Variants in XRCC4 observed in about 807,000 individuals in gnomAD.
XRCC4 encodes DNA repair protein XRCC4.
XRCC4 carries 28 observed loss-of-function variants against 39.1 expected under a neutral mutation model. That is an observed-to-expected ratio of 0.72 (90% CI 0.53 to 0.98). The LOEUF (loss-of-function observed/expected upper bound fraction) is 0.98. XRCC4 is among the 50% of genes least tolerant of loss of function. The pLI is 0.00. For synonymous variants in XRCC4, 123 were observed against 126.4 expected (o/e 0.97, Z 0.18); for missense variants, 350 against 376.4 (o/e 0.93, Z 0.58).
At chr5:83,313,158 A>AT (rs1755764986) in intron 7 of XRCC4, among the ~76,000 whole-genome samples, 1 of 151,726 alleles carries the variant, frequency 6.6e-6, no homozygotes, top group African/African-American at 2.4e-5. Context: ...AAAACCATAA[A>AT]TTGAAAAGTA....
At chr5:83,372,282 A>G in the XRCC4 span, among the ~76,000 whole-genome samples, 1 of 152,250 alleles carries the variant, frequency 6.6e-6, no homozygotes, top group South Asian at 2.1e-4. Flanking sequence ...TTTATTTTTT[A>G]GCATGACAAA....
chr5:83,175,223 T>C (rs1188836987), intron 3 of XRCC4, among the ~76,000 whole-genome samples: 1 of 152,192 alleles, frequency 6.6e-6, no homozygotes, highest in African/African-American at 2.4e-5. Flanking sequence ...ACTTAGTAAA[T>C]GTTATTTAGT....
intron 3 of XRCC4, among the ~76,000 whole-genome samples, chr5:83,188,563 A>G (rs181891186): frequency 1.3e-5 from 2 of 152,252 alleles, no homozygotes; most frequent in East Asian, 3.9e-4. Context: ...TGCATGCCAT[A>G]CAAGAAGCAT....
intron 3 of XRCC4, among the ~76,000 whole-genome samples, chr5:83,169,053 G>A (rs1471247506): frequency 1.3e-5 from 2 of 152,060 alleles, no homozygotes; most frequent in Non-Finnish European, 2.9e-5. Context: ...GCTGTGGGTG[G>A]GGTTAAGTGG....
At chr5:83,175,619 G>GT (rs535109676) in intron 3 of XRCC4, among the ~76,000 whole-genome samples, 14 of 149,058 alleles carry the variant, frequency 9.4e-5, no homozygotes, top group East Asian at 4.1e-4. Context: ...TTTTGTTTTT[G>GT]TTTTTTTTTG....
intron 3 of XRCC4, among the ~76,000 whole-genome samples, chr5:83,186,128 A>G (rs1190616803): frequency 6.6e-6 from 1 of 152,210 alleles, no homozygotes; most frequent in African/African-American, 2.4e-5. Context: ...TGAAGATTAT[A>G]AAATATTGTT....
intron 1 of XRCC4, among the ~76,000 whole-genome samples, chr5:83,103,018 ATATATATATATATG>A (rs1456158460): frequency 6.9e-6 from 1 of 144,174 alleles, no homozygotes; most frequent in Non-Finnish European, 1.5e-5. Context: ...TGATATATAT[ATATATATATATATG>A]TCAACATATT....
intron 5 of XRCC4, among the ~76,000 whole-genome samples, chr5:83,204,352 CA>C (rs1423015537): frequency 6.6e-6 from 1 of 152,150 alleles, no homozygotes; most frequent in Non-Finnish European, 1.5e-5. Context: ...CTAGTCCTAG[CA>C]CAGGTACTGG....
intron 3 of XRCC4, among the ~76,000 whole-genome samples, chr5:83,123,280 A>G (rs772570892): frequency 2.6e-5 from 4 of 152,100 alleles, no homozygotes; most frequent in South Asian, 2.1e-4. Flanking sequence ...CTTTTTCACT[A>G]TGAAATGACC....
intron 6 of XRCC4, among the ~76,000 whole-genome samples, chr5:83,247,338 C>G (rs1259508411): frequency 6.6e-6 from 1 of 152,138 alleles, no homozygotes; most frequent in Non-Finnish European, 1.5e-5. Flanking sequence ...CTGTTAGGAA[C>G]TGGGCCGCAC....
intron 6 of XRCC4, among the ~76,000 whole-genome samples, chr5:83,244,152 A>G (rs1753013821): frequency 6.6e-6 from 1 of 151,884 alleles, no homozygotes; most frequent in Non-Finnish European, 1.5e-5. Flanking sequence ...AAAAGGAAAT[A>G]TAACTCTCCT....
chr5:83,334,611 CT>C (rs1756535398), intron 7 of XRCC4, among the ~76,000 whole-genome samples: 1 of 151,666 alleles, frequency 6.6e-6, no homozygotes, highest in South Asian at 2.1e-4. Context: ...GGTATAAACT[CT>C]TTTATAATAC....
At chr5:83,250,566 G>A (rs1042413446) in intron 6 of XRCC4, among the ~76,000 whole-genome samples, 3 of 152,162 alleles carry the variant, frequency 2.0e-5, no homozygotes, top group African/African-American at 7.2e-5. Flanking sequence ...TTGCAAGTTT[G>A]ATGAAATCTA....
chr5:83,268,680 A>C (rs2112923637), intron 7 of XRCC4, among the ~76,000 whole-genome samples: 1 of 152,188 alleles, frequency 6.6e-6, no homozygotes, highest in Middle Eastern at 3.4e-3. Flanking sequence ...GGTTTCTCTT[A>C]CTTGGGGTTA....
chr5:83,125,057 G>C (rs1747193508), intron 3 of XRCC4, among the ~76,000 whole-genome samples: 1 of 152,136 alleles, frequency 6.6e-6, no homozygotes, highest in African/African-American at 2.4e-5. Context: ...ATCTTATTGT[G>C]GCTTTAATGG....
intron 7 of XRCC4, among the ~76,000 whole-genome samples, chr5:83,315,020 G>T (rs1755831370): frequency 6.6e-6 from 1 of 152,066 alleles, no homozygotes; most frequent in African/African-American, 2.4e-5. Flanking sequence ...AAGTCAAAAG[G>T]TACGTCTCTT....
At chr5:83,243,531 T>C (rs1429830215) in intron 6 of XRCC4, among the ~76,000 whole-genome samples, 2 of 152,222 alleles carry the variant, frequency 1.3e-5, no homozygotes, top group Non-Finnish European at 2.9e-5. Context: ...TATCTACCTA[T>C]TTTAAGGACT....
At chr5:83,251,255 C>T (rs545639453) in intron 6 of XRCC4, among the ~76,000 whole-genome samples, 2 of 152,158 alleles carry the variant, frequency 1.3e-5, no homozygotes, top group South Asian at 4.2e-4. Flanking sequence ...AACATTGAGG[C>T]CAGGTGCAGT....
In XRCC4 at chr5:83,234,795, G is replaced by A. The variant is rs558670312; in HGVS notation, c.746-23735G>A. 2.6e-4 allele frequency among the ~76,000 whole-genome samples: 39 copies of A among 151,800 alleles called. 3 individuals carry two copies. The South Asian group carries it at 8.1e-3, about 32-fold the overall frequency. ...AGCTTTGGAGTCTGACTTCACTAAA[G>A]GTATGTAATTTGACATTTAAAAAAA... On this transcript the variant is annotated intron_variant, in intron 6 of 7. Transcript: ENST00000396027.
Sources: gnomAD v4.1 joint callset for allele counts (sites outside exome capture counted in the v4.1 genomes callset) on GRCh38, gnomAD v4.1.1 for gene constraint, MANE v1.5 for transcripts, NCBI Gene and HGNC (gene_info 2026-07-23, HGNC 2026-07-21) for gene names.